The following IL1RAPL1 variants were observed in gnomAD, a reference collection of about 807,000 sequenced individuals.
IL1RAPL1 encodes the protein interleukin-1 receptor accessory protein-like 1.
Under a neutral mutation model 48.4 loss-of-function variants are expected in IL1RAPL1, and 3 were observed. That is an observed-to-expected ratio of 0.06 (90% CI 0.03 to 0.16). The LOEUF is 0.16. Ranked by LOEUF, IL1RAPL1 falls within the 10% of genes least tolerant of loss-of-function variation. The pLI, the probability that IL1RAPL1 is intolerant of heterozygous loss-of-function variation, is 1.00. For synonymous variants in IL1RAPL1, 185 were observed against 187.7 expected (o/e 0.99, Z 0.12); for missense variants, 349 against 530.6 (o/e 0.66, Z 3.36).
intron 6 of IL1RAPL1, among the ~76,000 whole-genome samples, chrX:29,889,106 C>T (rs183202190): frequency 2.7e-5 from 3 of 111,791 alleles, no homozygotes; most frequent in African/African-American, 9.7e-5. Flanking sequence ...TTTAAAATGT[C>T]ATTGCAAAAA....
At chrX:28,801,439 C>T (rs968124124) in intron 2 of IL1RAPL1, among the ~76,000 whole-genome samples, 3 of 110,863 alleles carry the variant, frequency 2.7e-5, no homozygotes, top group Non-Finnish European at 3.8e-5. Flanking sequence ...ATTTAATTTT[C>T]GTTTTTTCAT....
chrX:28,636,698 G>A (rs1246159548), intron 1 of IL1RAPL1, among the ~76,000 whole-genome samples: 2 of 111,290 alleles, frequency 1.8e-5, no homozygotes, highest in African/African-American at 6.5e-5. Context: ...ATGTTCAAGG[G>A]AGGAAGAAGG....
chrX:29,087,134 A>AAT lies in IL1RAPL1; in HGVS notation c.83-195804_83-195803insAT, dbSNP rs1161165717. Reference sequence around the variant, plus strand: ...ACATGACAGAGGACATTATTTAAAAATTTTTTTTTTTTTTTTTTTTTTGAG... The same window carrying AAT: ...ACATGACAGAGGACATTATTTAAAAAATTTTTTTTTTTTTTTTTTTTTTTGAG... On this transcript the variant is annotated intron_variant, in intron 2 of 10. Transcript: ENST00000378993. Among the ~76,000 whole-genome samples, 221 of 84,700 alleles carry AAT rather than the reference A, an allele frequency of 2.6e-3. 3 individuals carry two copies. The highest frequency in any genetic ancestry group is 0.01 in the African/African-American group (210 of 20,233). The allele number at this position is 84,700 out of a possible 115,157, so 73.6% of individuals were successfully genotyped here.
chrX:29,768,248 T>C (rs777537403), intron 6 of IL1RAPL1, among the ~76,000 whole-genome samples: 1 of 111,875 alleles, frequency 8.9e-6, no homozygotes, highest in Non-Finnish European at 1.9e-5. Context: ...CTTCCTCAAA[T>C]GCATTTTAAG....
At chrX:29,486,612 C>CA (rs768358495) in intron 5 of IL1RAPL1, among the ~76,000 whole-genome samples, 578 of 40,877 alleles carry the variant, frequency 0.014, 24 homozygotes, top group African/African-American at 0.023. Flanking sequence ...AAGTGCTATA[C>CA]AAAAAAAAAA....
intron 5 of IL1RAPL1, among the ~76,000 whole-genome samples, chrX:29,446,969 C>T (rs184751130): frequency 6.4e-4 from 71 of 111,333 alleles, no homozygotes; most frequent in African/African-American, 2.0e-3. Flanking sequence ...AGTTTAAAAA[C>T]GATTGGATTC....
chrX:28,884,191 A>G (rs1922575900), intron 2 of IL1RAPL1, among the ~76,000 whole-genome samples: 1 of 111,971 alleles, frequency 8.9e-6, no homozygotes, highest in Admixed American at 9.5e-5. Context: ...AAATAAATAA[A>G]TAATATGAAC....
intron 2 of IL1RAPL1, among the ~76,000 whole-genome samples, chrX:29,281,068 T>C (rs1932194934): frequency 8.9e-6 from 1 of 112,097 alleles, no homozygotes; most frequent in Non-Finnish European, 1.9e-5. Flanking sequence ...TTATGTGTCT[T>C]CTTTGCTGTA....
chrX:29,089,414 T>G (rs1332159520), intron 2 of IL1RAPL1, among the ~76,000 whole-genome samples: 1 of 110,271 alleles, frequency 9.1e-6, no homozygotes, highest in African/African-American at 3.3e-5. Flanking sequence ...ACTCTTTTTT[T>G]GTAGTCTACA....
chrX:29,063,888 T>A (rs1927393891), intron 2 of IL1RAPL1, among the ~76,000 whole-genome samples: 2 of 112,024 alleles, frequency 1.8e-5, no homozygotes, highest in South Asian at 7.4e-4. Context: ...GCTTTCCTAT[T>A]TTTTTCCTAT....
At chrX:29,284,731 C>T (rs918926435) in intron 3 of IL1RAPL1, among the ~76,000 whole-genome samples, 14 of 111,786 alleles carry the variant, frequency 1.3e-4, no homozygotes, top group East Asian at 2.8e-4. Context: ...GGCAACAGAG[C>T]GAGACTCTGT....
chrX:29,203,690 G>C (rs987264142), intron 2 of IL1RAPL1, among the ~76,000 whole-genome samples: 1 of 101,057 alleles, frequency 9.9e-6, no homozygotes, highest in Non-Finnish European at 2.0e-5. Context: ...TTGCACTCCG[G>C]CCTGGGCAAC....
intron 5 of IL1RAPL1, among the ~76,000 whole-genome samples, chrX:29,593,460 C>G (rs1180460496): frequency 2.7e-5 from 3 of 112,112 alleles, no homozygotes; most frequent in African/African-American, 9.7e-5. Context: ...TCTAGGTTCT[C>G]TGACACTAAC....
At chrX:29,628,419 A>G (rs143226399) in intron 5 of IL1RAPL1, among the ~76,000 whole-genome samples, 8,397 of 111,564 alleles carry the variant, frequency 0.075, 288 homozygotes, top group Middle Eastern at 0.2. Context: ...GGGACTATCA[A>G]TGATCTGATG....
At chrX:29,016,239 C>T (rs1425518737) in intron 2 of IL1RAPL1, among the ~76,000 whole-genome samples, 3 of 111,298 alleles carry the variant, frequency 2.7e-5, no homozygotes, top group Non-Finnish European at 5.7e-5. Context: ...AGACGCATCT[C>T]ATTCTCTTTG....
intron 2 of IL1RAPL1, among the ~76,000 whole-genome samples, chrX:28,945,253 G>A (rs113292228): frequency 0.018 from 1,959 of 111,050 alleles, 35 homozygotes; most frequent in African/African-American, 0.061. Flanking sequence ...ATTACTGGGT[G>A]TATACCCAAA....
chrX:29,442,864 AAAAAAAG>A (rs1435624080), intron 5 of IL1RAPL1, among the ~76,000 whole-genome samples: 1 of 110,553 alleles, frequency 9.0e-6, no homozygotes, highest in Non-Finnish European at 1.9e-5. Context: ...ACTATCTCAA[AAAAAAAG>A]AAAAAAGAAG....
rs937177337 is a variant in IL1RAPL1, at chrX:29,220,577, G to A, written c.83-62361G>A. Among the ~76,000 whole-genome samples, 4 of 112,471 alleles carry A rather than the reference G, an allele frequency of 3.6e-5. No individual in the cohort carries two copies. In the East Asian group the frequency reaches 8.4e-4, roughly 24 times the overall value. ...AACTGATTGTGGTTACGTGAAAATC[G>A]TAAATGTCGGATCTCAGTTTAATTG... On this transcript the variant is annotated intron_variant, in intron 2 of 10. Transcript: ENST00000378993.
intron 2 of IL1RAPL1, among the ~76,000 whole-genome samples, chrX:28,800,376 T>C: frequency 8.9e-6 from 1 of 112,187 alleles, no homozygotes; most frequent in African/African-American, 3.2e-5. Flanking sequence ...GGACCACTGT[T>C]CACACTGCAA....
Sources: allele counts gnomAD v4.1 joint callset (sites outside exome capture counted in the v4.1 genomes callset), GRCh38; gene constraint gnomAD v4.1.1; transcripts MANE v1.5; gene names NCBI Gene and HGNC (gene_info 2026-07-23, HGNC 2026-07-21).